Variants in VPS13A observed in about 807,000 individuals in gnomAD.
The protein encoded by VPS13A is intermembrane lipid transfer protein VPS13A.
VPS13A carries 264 observed loss-of-function variants against 390.9 expected under a neutral mutation model. That is an observed-to-expected ratio of 0.68 (90% CI 0.61 to 0.75). The LOEUF is 0.75. Ranked by LOEUF, VPS13A falls within the 30% of genes least tolerant of loss-of-function variation. The probability of loss-of-function intolerance (pLI) is 0.00; values close to 1 mark genes in which losing one functional copy is unlikely to be tolerated. For missense variants in VPS13A, 3,409 were observed against 3,733.9 expected (o/e 0.91, Z 2.27); for synonymous variants, 1,231 against 1,227.1 (o/e 1.00, Z -0.07).
At chr9:77,234,409 T>G (rs971910388) in intron 17 of VPS13A, among the ~76,000 whole-genome samples, 2 of 152,202 alleles carry the variant, frequency 1.3e-5, no homozygotes, top group African/African-American at 4.8e-5. Context: ...TGCAGTATAT[T>G]TTTTCATCCT....
intron 34 of VPS13A, among the ~76,000 whole-genome samples, chr9:77,307,679 A>G (rs1306951635): frequency 6.6e-6 from 1 of 152,214 alleles, no homozygotes; most frequent in East Asian, 1.9e-4. Context: ...GTTTAAAATT[A>G]CTATATTATT....
intron 35 of VPS13A, among the ~76,000 whole-genome samples, chr9:77,311,067 G>A (rs1240690403): frequency 6.6e-6 from 1 of 152,016 alleles, no homozygotes; most frequent in African/African-American, 2.4e-5. Context: ...TGGGACTACA[G>A]GTGCCCACCA....
intron 61 of VPS13A, 69 bp from the exon 62 acceptor site, chr9:77,367,986 C>A: frequency 1.5e-6 from 2 of 1,319,216 alleles, no homozygotes; most frequent in Non-Finnish European, 2.1e-6. Flanking sequence ...AAAATAAAGC[C>A]ACTCATTAAT....
chr9:77,296,520 T>C (rs2131378053), intron 33 of VPS13A, among the ~76,000 whole-genome samples: 1 of 152,222 alleles, frequency 6.6e-6, no homozygotes. Flanking sequence ...CACCTTATTT[T>C]TGTCTCATTT....
chr9:77,371,216 T>C, intron 67 of VPS13A, 67 bp downstream of exon 67: 3 of 1,604,048 alleles, frequency 1.9e-6, no homozygotes, highest in Non-Finnish European at 2.6e-6. Flanking sequence ...ATTTATCTGC[T>C]CTTTGGCTTC....
intron 17 of VPS13A, among the ~76,000 whole-genome samples, chr9:77,235,612 T>C (rs1360911459): frequency 6.6e-6 from 1 of 152,200 alleles, no homozygotes; most frequent in Non-Finnish European, 1.5e-5. Context: ...TTGGCCATTA[T>C]TTCTCCCAGT....
chr9:77,371,191 G>A (rs748150599), intron 67 of VPS13A, 42 bp downstream of exon 67: 13 of 1,612,516 alleles, frequency 8.1e-6, no homozygotes, highest in Non-Finnish European at 1.0e-5. Flanking sequence ...AAATGCTGAA[G>A]CCATGAGAAA....
intron 59 of VPS13A, among the ~76,000 whole-genome samples, chr9:77,361,586 C>G (rs898629218): frequency 5.9e-5 from 9 of 152,094 alleles, no homozygotes; most frequent in African/African-American, 1.9e-4. Context: ...TATTAAAAGT[C>G]TTAAACTATT....
intron 24 of VPS13A, 37 bp downstream of exon 24, chr9:77,273,401 T>C (rs1826464727): frequency 6.7e-7 from 1 of 1,501,120 alleles, no homozygotes; most frequent in Non-Finnish European, 9.1e-7. Context: ...TTTCTTATTT[T>C]ATTAAAATAA....
chr9:77,283,665 A>G lies in VPS13A; in HGVS notation c.3339+15A>G, dbSNP rs1483358754. On this transcript the variant is annotated intron_variant, in intron 31 of 71. Transcript: ENST00000360280. ...TATACAAAAAGGTAAGAATTCTTTT[A>G]ATTAAATAATAGTACATCATTAAAT... The G allele has an allele frequency of 2.0e-6, 3 of 1,537,706 alleles. No homozygotes were observed. The highest frequency in any genetic ancestry group is 3.4e-5 in the Admixed American group (2 of 58,712).
rs1392635234 is a variant in VPS13A, at chr9:77,219,967, A to T, written c.768A>T (p.Ile256=). Residue 256 remains isoleucine (I), a synonymous_variant, in exon 11 of 72, where the codon ATA becomes ATT. Transcript: ENST00000360280. Reference sequence around the variant, plus strand: ...ATTATTTTTCAGTATTTCGTCCCATATCTGCTAATGCCAAACTTGTGATGA... The same window carrying T: ...ATTATTTTTCAGTATTTCGTCCCATTTCTGCTAATGCCAAACTTGTGATGA... The part of the protein sequence containing the change: ...PEGYDFVFRP[I]SANAKLVMNR... The T allele has an allele frequency of 1.2e-6, 2 of 1,613,526 alleles. No homozygotes were observed. The highest frequency in any genetic ancestry group is 4.5e-5 in the East Asian group (2 of 44,826).
rs748738775 is a variant in VPS13A at position 77,260,159 on chromosome 9, T to C, written c.2362T>C (p.Leu788=). The C allele has an allele frequency of 1.2e-6, 2 of 1,609,816 alleles. No homozygotes were observed. The highest frequency in any genetic ancestry group is 1.7e-6 in the Non-Finnish European group (2 of 1,176,462). ...TAAAAAACTACAAGGGATTATGGAA[T>C]TGATTGAAAGCATTCCAAAACCTGA... is the stretch of plus-strand genomic sequence containing the variant. ...SDKKLQGIME[L]IESIPKPEPV... is the part of the protein sequence containing the mutation. Residue 788 remains leucine (L), a synonymous_variant, in exon 23 of 72, where the codon TTG becomes CTG. Coordinates refer to ENST00000360280, the MANE Select transcript of VPS13A (RefSeq NM_033305.3).
At chr9:77,391,481 TTTTG>T (rs1320769996) in intron 68 of VPS13A, among the ~76,000 whole-genome samples, 1 of 152,150 alleles carries the variant, frequency 6.6e-6, no homozygotes, top group Non-Finnish European at 1.5e-5. Flanking sequence ...TTTTTTGGTG[TTTTG>T]TTTTTGTCAG....
Position 77,420,020 on chromosome 9 carries a change from C to T in VPS13A, c.*4014C>T, listed in dbSNP as rs1835298267. The stretch of plus-strand genomic sequence containing the variant: ...TAACTTACATTCTGTATGCAGGACT[C>T]AATACAGACTTAGTCAATCTGATTT... On this transcript the variant is annotated 3_prime_UTR_variant, in exon 72 of 72. Coordinates refer to ENST00000360280, the MANE Select transcript of VPS13A (RefSeq NM_033305.3). The T allele has an allele frequency of 6.6e-6, 1 of 152,176 alleles. No individual in the cohort carries two copies. Among genetic ancestry groups the T allele is most frequent in the South Asian group, 2.1e-4 (1 of 4,832 alleles). 9.4% of individuals were successfully genotyped at this position (152,176 alleles called of 1,614,324 possible). A position where few individuals can be genotyped will look rare whatever the true frequency, so the allele number is the denominator to read the frequency against.
chr9:77,203,218 G>A (rs1190608605), intron 3 of VPS13A, among the ~76,000 whole-genome samples: 2 of 152,110 alleles, frequency 1.3e-5, no homozygotes, highest in Admixed American at 6.5e-5. Context: ...TTACATCTGT[G>A]TATTTTTTTG....
intron 46 of VPS13A, among the ~76,000 whole-genome samples, chr9:77,335,018 A>G (rs879518307): frequency 3.9e-5 from 6 of 152,294 alleles, no homozygotes; most frequent in Middle Eastern, 3.4e-3. Context: ...TTAAGGTGCC[A>G]TCAGAAATTA....
chr9:77,376,782 A>G (rs1833102906), intron 67 of VPS13A, among the ~76,000 whole-genome samples: 1 of 152,212 alleles, frequency 6.6e-6, no homozygotes, highest in Non-Finnish European at 1.5e-5. Flanking sequence ...TGAGCCTATA[A>G]TAAGGTATTT....
chr9:77,195,743 GA>G (rs958564496), intron 1 of VPS13A, among the ~76,000 whole-genome samples: 43 of 149,676 alleles, frequency 2.9e-4, no homozygotes, highest in African/African-American at 6.6e-4. Flanking sequence ...TCTCAAAAAA[GA>G]AAAAAAAAGA....
chr9:77,194,770 C>A (rs1201663143), intron 1 of VPS13A, among the ~76,000 whole-genome samples: 1 of 152,034 alleles, frequency 6.6e-6, no homozygotes, highest in East Asian at 1.9e-4. Context: ...CTCCTTCAGC[C>A]CAGGATCCGC....
Sources: allele counts gnomAD v4.1 joint callset (sites outside exome capture counted in the v4.1 genomes callset), GRCh38; gene constraint gnomAD v4.1.1; transcripts MANE v1.5; gene names NCBI Gene and HGNC (gene_info 2026-07-23, HGNC 2026-07-21).